RORA: variants seen among roughly 807,000 people sequenced by gnomAD.
RORA encodes nuclear receptor ROR-alpha.
A neutral mutation model predicts 69.5 loss-of-function variants in RORA; 7 were observed. The observed-to-expected ratio is 0.10, with a 90% CI of 0.06 to 0.19. The LOEUF (loss-of-function observed/expected upper bound fraction) is 0.19, where lower values mean the gene tolerates loss of function less well. Among genes scored for constraint, RORA ranks in the 10% least tolerant of loss-of-function variants. The pLI is 1.00. For synonymous variants in RORA, 261 were observed against 240.8 expected (o/e 1.08, Z -0.78); for missense variants, 457 against 663.0 (o/e 0.69, Z 3.41).
chr15:60,560,814 C>A (rs577971205), intron 2 of RORA, among the ~76,000 whole-genome samples: 5 of 152,076 alleles, frequency 3.3e-5, no homozygotes, highest in Admixed American at 6.5e-5. Flanking sequence ...TGTAATTTTA[C>A]GCTAAATTTT....
At chr15:61,227,798 C>T (rs910024855) in intron 1 of RORA, among the ~76,000 whole-genome samples, 10 of 152,178 alleles carry the variant, frequency 6.6e-5, no homozygotes, top group African/African-American at 2.2e-4. Context: ...CCAGGCGGCT[C>T]GCGCGAGCAC....
chr15:60,696,566 C>T (rs1330383667), intron 1 of RORA, among the ~76,000 whole-genome samples: 1 of 152,170 alleles, frequency 6.6e-6, no homozygotes, highest in Admixed American at 6.5e-5. Flanking sequence ...CGCACCACCA[C>T]ATCACCACAT....
intron 1 of RORA, among the ~76,000 whole-genome samples, chr15:60,829,349 C>T (rs2073008931): frequency 6.6e-6 from 1 of 152,208 alleles, no homozygotes; most frequent in Non-Finnish European, 1.5e-5. Flanking sequence ...GTCCCTGTAT[C>T]AGTGAGCAGG....
chr15:61,148,090 G>A (rs1039962093), intron 1 of RORA, among the ~76,000 whole-genome samples: 13 of 152,168 alleles, frequency 8.5e-5, no homozygotes, highest in South Asian at 6.2e-4. Context: ...TCAATCCATC[G>A]ATGCCGAAGG....
chr15:60,888,461 T>C (rs1351713255), intron 1 of RORA, among the ~76,000 whole-genome samples: 1 of 152,064 alleles, frequency 6.6e-6, no homozygotes, highest in African/African-American at 2.4e-5. Flanking sequence ...CGTGTGCACA[T>C]GCACACACAC....
At chr15:60,597,575 C>A (rs7173496) in intron 2 of RORA, among the ~76,000 whole-genome samples, 3 of 29,518 alleles carry the variant, frequency 1.0e-4, no homozygotes, top group Admixed American at 5.1e-4. Context: ...TATATATATA[C>A]ACATATATAT....
chr15:60,744,083 TC>T (rs1446224378), intron 1 of RORA, among the ~76,000 whole-genome samples: 1 of 149,872 alleles, frequency 6.7e-6, no homozygotes, highest in Non-Finnish European at 1.5e-5. Context: ...CTGGGAAACT[TC>T]CTTTTTTTTT....
intron 2 of RORA, among the ~76,000 whole-genome samples, chr15:60,591,228 G>C (rs929994017): frequency 6.6e-6 from 1 of 152,202 alleles, no homozygotes; most frequent in South Asian, 2.1e-4. Flanking sequence ...CCCCAAGCCT[G>C]GCGGCCGGGC....
At chr15:60,879,633 T>C (rs772952201) in intron 1 of RORA, among the ~76,000 whole-genome samples, 58 of 152,178 alleles carry the variant, frequency 3.8e-4, no homozygotes, top group Admixed American at 7.2e-4. Flanking sequence ...TTATTTAGAT[T>C]ACAGAAACAA....
Position 60,698,630 on chromosome 15 carries a change from GTTT to G in RORA, c.167-19947_167-19945del, listed in dbSNP as rs34961839. 4.3e-4 allele frequency among the ~76,000 whole-genome samples: 48 copies of G among 112,672 alleles called. 1 individual carries two copies. Among genetic ancestry groups the G allele is most frequent in the East Asian group, 3.7e-3 (16 of 4,346 alleles). 73.9% of individuals were successfully genotyped at this position (112,672 alleles called of 152,430 possible). On this transcript the variant is annotated intron_variant, in intron 1 of 10. Coordinates refer to ENST00000335670, the MANE Select transcript of RORA (RefSeq NM_134261.3). ...TACATAGATTTCTTTTGGCATTTGTGTTTTTTTTTTTTTTTTTGGAAGTACATT... is the reference window on the plus strand; with the variant it reads ...TACATAGATTTCTTTTGGCATTTGTGTTTTTTTTTTTTTTGGAAGTACATT...
intron 1 of RORA, among the ~76,000 whole-genome samples, chr15:61,132,537 T>C (rs576543477): frequency 6.6e-6 from 1 of 152,312 alleles, no homozygotes; most frequent in South Asian, 2.1e-4. Flanking sequence ...CTTTAATAAG[T>C]AAGGTCAAAA....
At chr15:60,592,458 C>A (rs1468567848) in intron 2 of RORA, 2 of 1,393,438 alleles carry the variant, frequency 1.4e-6, no homozygotes, top group Non-Finnish European at 9.4e-7. Flanking sequence ...GCGGATGGTC[C>A]GACCCCGGAG....
intron 1 of RORA, among the ~76,000 whole-genome samples, chr15:61,098,085 TC>T (rs1258169932): frequency 2.3e-5 from 3 of 131,722 alleles, no homozygotes; most frequent in Non-Finnish European, 3.2e-5. Context: ...TCCCTCCTTC[TC>T]CCCCTCCTTC....
chr15:60,914,130 T>C (rs1357284658), intron 1 of RORA, among the ~76,000 whole-genome samples: 1 of 152,230 alleles, frequency 6.6e-6, no homozygotes, highest in African/African-American at 2.4e-5. Flanking sequence ...AGAGCAAATA[T>C]TTCCTGCTTT....
chr15:61,012,443 A>G (rs1895116552), intron 1 of RORA, among the ~76,000 whole-genome samples: 1 of 152,160 alleles, frequency 6.6e-6, no homozygotes, highest in Non-Finnish European at 1.5e-5. Flanking sequence ...TTAAGTTCTA[A>G]CAAGACAACT....
chr15:60,788,675 C>T (rs1200692635), intron 1 of RORA, among the ~76,000 whole-genome samples: 1 of 152,108 alleles, frequency 6.6e-6, no homozygotes, highest in Non-Finnish European at 1.5e-5. Flanking sequence ...TCATCAGCAC[C>T]ACGGGGCTGA....
chr15:61,022,759 C>T (rs1393095423), intron 1 of RORA, among the ~76,000 whole-genome samples: 5 of 152,036 alleles, frequency 3.3e-5, no homozygotes, highest in East Asian at 1.9e-4. Context: ...TTCTAAAACA[C>T]GTTTGTGGTT....
intron 2 of RORA, among the ~76,000 whole-genome samples, chr15:60,566,869 A>G (rs537288883): frequency 1.3e-5 from 2 of 152,280 alleles, no homozygotes; most frequent in South Asian, 2.1e-4. Flanking sequence ...ATGGCTCAAT[A>G]TAAGGATGGA....
At chr15:60,686,559 T>C (rs1254822211) in intron 1 of RORA, among the ~76,000 whole-genome samples, 6 of 152,336 alleles carry the variant, frequency 3.9e-5, no homozygotes, top group African/African-American at 1.4e-4. Flanking sequence ...TGAACTGATA[T>C]CAACACTTTC....
Sources: gnomAD v4.1 joint callset for allele counts (sites outside exome capture counted in the v4.1 genomes callset) on GRCh38, gnomAD v4.1.1 for gene constraint, MANE v1.5 for transcripts, NCBI Gene and HGNC (gene_info 2026-07-23, HGNC 2026-07-21) for gene names.